The following GLYATL1 variants were observed in gnomAD, a reference collection of about 807,000 sequenced individuals.
GLYATL1 encodes the protein glycine-N-acyltransferase like 1.
Under a neutral mutation model 20.0 loss-of-function variants are expected in GLYATL1, and 15 were observed. The ratio of observed to expected loss-of-function variants is 0.75; its 90% confidence interval spans 0.50 to 1.15. The LOEUF is 1.15. GLYATL1 is among the 50% of genes most tolerant of loss of function. The pLI, the probability that GLYATL1 is intolerant of heterozygous loss-of-function variation, is 0.00. For missense variants in GLYATL1, 380 were observed against 368.5 expected (o/e 1.03, Z -0.26); for synonymous variants, 151 against 131.5 (o/e 1.15, Z -1.01).
chr11:58,950,430 G>A lies in GLYATL1; in HGVS notation c.186+2465G>A, dbSNP rs544630762. 2.6e-5 allele frequency among the ~76,000 whole-genome samples: 4 copies of A among 152,236 alleles called. No homozygotes were observed. The South Asian group carries it at 6.2e-4, about 24-fold the overall frequency. ...CTAAAGTATTCGTTTTAATAACTGC[G>A]GCATTTCATAGAGTCAATGCAATGC... On this transcript the variant is annotated intron_variant, in intron 4 of 6. Transcript: ENST00000532726.
chr11:58,906,777 A>C (rs1195823483), intron 1 of GLYATL1, among the ~76,000 whole-genome samples: 1 of 152,208 alleles, frequency 6.6e-6, no homozygotes, highest in Non-Finnish European at 1.5e-5. Flanking sequence ...CTGCAAGCAC[A>C]GGTTACCTTC....
chr11:58,911,733 A>G (rs1386094265), downstream of GLYATL1, among the ~76,000 whole-genome samples: 1 of 152,136 alleles, frequency 6.6e-6, no homozygotes, highest in Admixed American at 6.5e-5. Context: ...TTCTCATAAT[A>G]TTTGTGATAT....
chr11:58,928,359 G>A (rs1358021167), intron 1 of GLYATL1: 1 of 152,176 alleles, frequency 6.6e-6, no homozygotes, highest in Non-Finnish European at 1.5e-5. Context: ...CTTCACCTTT[G>A]TTTCCTGGGG....
chr11:58,953,992 A>G (rs987940287), intron 4 of GLYATL1, among the ~76,000 whole-genome samples: 1 of 152,218 alleles, frequency 6.6e-6, no homozygotes, highest in Non-Finnish European at 1.5e-5. Context: ...AATTACCCAG[A>G]GAGCTACCAA....
chr11:58,931,706 C>A (rs1366914236), intron 1 of GLYATL1, among the ~76,000 whole-genome samples: 1 of 152,056 alleles, frequency 6.6e-6, no homozygotes, highest in African/African-American at 2.4e-5. Context: ...AAATGAACAA[C>A]TCCTGTTCTT....
intron 1 of GLYATL1, among the ~76,000 whole-genome samples, chr11:58,931,597 T>C (rs1855602398): frequency 6.6e-6 from 1 of 152,190 alleles, no homozygotes; most frequent in Non-Finnish European, 1.5e-5. Flanking sequence ...CATACTTGAA[T>C]GGTAAAAGCA....
chr11:58,911,087 T>C (rs929428784), downstream of GLYATL1, among the ~76,000 whole-genome samples: 2 of 152,196 alleles, frequency 1.3e-5, no homozygotes, highest in Admixed American at 6.5e-5. Context: ...ATTATACCCT[T>C]TGAGCATGGC....
chr11:58,911,667 C>G (rs552630945), downstream of GLYATL1, among the ~76,000 whole-genome samples: 89 of 152,230 alleles, frequency 5.8e-4, no homozygotes, highest in African/African-American at 2.0e-3. Context: ...TTAGTTATAT[C>G]TGAGTTTTGA....
At chr11:58,935,221 G>C (rs907089447), upstream of GLYATL1, 3 of 152,362 alleles carry the variant, frequency 2.0e-5, no homozygotes, top group African/African-American at 7.2e-5. Flanking sequence ...CTGGAGCCTG[G>C]GCTGTGTGAT....
upstream of GLYATL1, among the ~76,000 whole-genome samples, chr11:58,938,387 G>T (rs1855931388): frequency 6.6e-6 from 1 of 152,178 alleles, no homozygotes. Context: ...CAGCTGGAGA[G>T]ACCTAGAATC....
intron 2 of GLYATL1, among the ~76,000 whole-genome samples, chr11:58,945,683 G>A (rs1356054085): frequency 1.3e-5 from 2 of 152,128 alleles, no homozygotes; most frequent in Non-Finnish European, 2.9e-5. Flanking sequence ...GTTAAATCAG[G>A]TGAGAAACAG....
chr11:58,926,440 TAC>T (rs940622592), upstream of GLYATL1, among the ~76,000 whole-genome samples: 6 of 152,124 alleles, frequency 3.9e-5, no homozygotes, highest in Admixed American at 1.3e-4. Flanking sequence ...AGAAAAAGAG[TAC>T]ACAGAGTGTG....
At chr11:58,909,763 A>G (rs183373189), downstream of GLYATL1, among the ~76,000 whole-genome samples, 243 of 152,334 alleles carry the variant, frequency 1.6e-3, 1 homozygote, top group Middle Eastern at 6.8e-3. Flanking sequence ...CTTTCTATCA[A>G]TAAGAGCTCT....
At position 58,947,907 on chromosome 11, in the gene GLYATL1, A is replaced by G; in HGVS notation, c.128A>G (p.Glu43Gly). The change falls in exon 4 of 7, where the codon GAG (glutamate) becomes GGG (glycine). Residue 43 changes from glutamate to glycine, a missense_variant. Coordinates refer to ENST00000532726, the MANE Select transcript of GLYATL1 (RefSeq NM_001389712.2). ...AATCACGGGAACCCCTTCAACATGGAGGTGCTGGTGGATTCCTGGCCTGAA... is the reference window on the plus strand; with the variant it reads ...AATCACGGGAACCCCTTCAACATGGGGGTGCTGGTGGATTCCTGGCCTGAA... ...HINHGNPFNM[E>G]VLVDSWPEYQ... 4 of 1,613,826 alleles carry G rather than the reference A, an allele frequency of 2.5e-6. No homozygotes were observed. The highest frequency in any genetic ancestry group is 3.4e-6 in the Non-Finnish European group (4 of 1,179,882).
downstream of GLYATL1, among the ~76,000 whole-genome samples, chr11:58,911,343 C>T (rs1262194235): frequency 6.6e-6 from 1 of 152,156 alleles, no homozygotes; most frequent in Non-Finnish European, 1.5e-5. Context: ...GTTCACCTAG[C>T]AGTGGAATTG....
chr11:58,948,134 C>T (rs568640512), intron 4 of GLYATL1, among the ~76,000 whole-genome samples, 169 bp downstream of exon 4: 2 of 152,184 alleles, frequency 1.3e-5, no homozygotes, highest in East Asian at 1.9e-4. Context: ...TCCCACCCTT[C>T]GTGTAAAGCA....
intron 2 of GLYATL1, among the ~76,000 whole-genome samples, chr11:58,945,590 A>T (rs1192904422): frequency 6.6e-6 from 1 of 152,218 alleles, no homozygotes; most frequent in African/African-American, 2.4e-5. Context: ...AGCATGGTAG[A>T]TCTTGAATTA....
intron 4 of GLYATL1, among the ~76,000 whole-genome samples, chr11:58,953,770 G>A (rs1050899125): frequency 6.6e-6 from 1 of 152,106 alleles, no homozygotes; most frequent in African/African-American, 2.4e-5. Context: ...TGAAATTCTT[G>A]AAGGTTTCTT....
At chr11:58,954,964 G>A in intron 5 of GLYATL1, 68 bp downstream of exon 5, 2 of 1,491,910 alleles carry the variant, frequency 1.3e-6, no homozygotes, top group Non-Finnish European at 1.8e-6. Context: ...AACAGCATTA[G>A]CATCACCTGA....
Sources: gnomAD v4.1 joint callset for allele counts (sites outside exome capture counted in the v4.1 genomes callset) on GRCh38, gnomAD v4.1.1 for gene constraint, MANE v1.5 for transcripts, NCBI Gene and HGNC (gene_info 2026-07-23, HGNC 2026-07-21) for gene names.